Variants in ELMO1 observed in about 807,000 individuals in gnomAD.
ELMO1 encodes the protein engulfment and cell motility 1.
Under a neutral mutation model 98.9 loss-of-function variants are expected in ELMO1, and 26 were observed. The observed-to-expected ratio is 0.26, with a 90% CI of 0.19 to 0.36. The LOEUF (loss-of-function observed/expected upper bound fraction) is 0.36. Ranked by LOEUF, ELMO1 falls within the 10% of genes least tolerant of loss-of-function variation. The pLI, the probability that ELMO1 is intolerant of heterozygous loss-of-function variation, is 1.00. For missense variants in ELMO1, 627 were observed against 935.2 expected (o/e 0.67, Z 4.30); for synonymous variants, 346 against 346.0 (o/e 1.00, Z 0.00).
At chr7:36,878,400 TTA>T (rs1804144387) in intron 18 of ELMO1, among the ~76,000 whole-genome samples, 1 of 152,164 alleles carries the variant, frequency 6.6e-6, no homozygotes, top group African/African-American at 2.4e-5. Flanking sequence ...CTTCCAGAGG[TTA>T]TGTTATCACT....
chr7:37,387,458 T>C (rs187744721), intron 1 of ELMO1, among the ~76,000 whole-genome samples: 98 of 152,346 alleles, frequency 6.4e-4, no homozygotes, highest in Non-Finnish European at 1.2e-3. Context: ...GTCCCCTTTT[T>C]ATAAGGACCA....
At chr7:37,034,677 T>C (rs986911725) in intron 15 of ELMO1, among the ~76,000 whole-genome samples, 1 of 152,174 alleles carries the variant, frequency 6.6e-6, no homozygotes, top group African/African-American at 2.4e-5. Flanking sequence ...TATGACTCCC[T>C]GATCTAGAAG....
chr7:37,367,444 A>G (rs947721635), intron 1 of ELMO1, among the ~76,000 whole-genome samples: 1 of 152,216 alleles, frequency 6.6e-6, no homozygotes, highest in African/African-American at 2.4e-5. Flanking sequence ...TATGCTATCA[A>G]TGAATATCTG....
In ELMO1 at chr7:37,113,135, G is replaced by A. The variant is rs370182071; in HGVS notation, c.1192-16408C>T. The stretch of plus-strand genomic sequence containing the variant: ...CAGCTGCATCCAGAGAGGTTAGAGC[G>A]TGTTCCAGATAGAGATCTACTTCTG... On this transcript the variant is annotated intron_variant, in intron 14 of 21. Transcript: ENST00000310758. Among the ~76,000 whole-genome samples, 8 of 152,362 alleles carry A rather than the reference G, an allele frequency of 5.3e-5. No individual in the cohort carries two copies. In the South Asian group the frequency reaches 1.0e-3, roughly 20 times the overall value.
chr7:37,366,219 C>T (rs962911758), intron 1 of ELMO1, among the ~76,000 whole-genome samples: 6 of 151,910 alleles, frequency 3.9e-5, no homozygotes, highest in Admixed American at 6.6e-5. Context: ...CATATCCTTT[C>T]GGTGGTCTCA....
chr7:37,341,584 T>G (rs889396492), intron 2 of ELMO1, among the ~76,000 whole-genome samples: 6 of 152,196 alleles, frequency 3.9e-5, no homozygotes, highest in African/African-American at 1.4e-4. Context: ...TTCTTACATT[T>G]GAGTTTAAGT....
At chr7:37,062,786 A>G (rs944645882) in intron 15 of ELMO1, among the ~76,000 whole-genome samples, 2 of 152,186 alleles carry the variant, frequency 1.3e-5, no homozygotes, top group Non-Finnish European at 2.9e-5. Flanking sequence ...CCCCTAAGCA[A>G]GGGAAACCAC....
intron 7 of ELMO1, among the ~76,000 whole-genome samples, chr7:37,238,739 A>T (rs996565224): frequency 1.3e-5 from 2 of 152,114 alleles, no homozygotes; most frequent in Non-Finnish European, 2.9e-5. Flanking sequence ...CTTGCTGAGA[A>T]TTTTTATTAT....
chr7:37,122,976 G>A (rs140912099), intron 14 of ELMO1, among the ~76,000 whole-genome samples: 5,353 of 152,208 alleles, frequency 0.035, 94 homozygotes, highest in Middle Eastern at 0.088. Context: ...TCAGGATTAA[G>A]AAACCCACTC....
intron 13 of ELMO1, among the ~76,000 whole-genome samples, chr7:37,195,282 T>G (rs1484902689): frequency 1.3e-5 from 2 of 152,220 alleles, no homozygotes; most frequent in Non-Finnish European, 2.9e-5. Flanking sequence ...CCGATTCATC[T>G]TTGTGACTAG....
intron 15 of ELMO1, among the ~76,000 whole-genome samples, chr7:37,018,417 T>C (rs902309853): frequency 2.0e-5 from 3 of 151,838 alleles, no homozygotes; most frequent in African/African-American, 7.3e-5. Context: ...TGAAACACTG[T>C]GCCTGGCCTA....
intron 16 of ELMO1, among the ~76,000 whole-genome samples, chr7:37,004,476 C>T (rs1792906376): frequency 6.6e-6 from 1 of 152,208 alleles, no homozygotes; most frequent in Admixed American, 6.5e-5. Context: ...TATCTCACTG[C>T]TGTCCAGCAG....
chr7:37,042,776 G>GAATATTCACTAA (rs1312825860), intron 15 of ELMO1, among the ~76,000 whole-genome samples: 5 of 152,022 alleles, frequency 3.3e-5, no homozygotes, highest in Admixed American at 6.6e-5. Context: ...ACTCCTCATG[G>GAATATTCACTAA]CTGCTTTCTT....
At chr7:37,177,635 C>T (rs1208374868) in intron 13 of ELMO1, among the ~76,000 whole-genome samples, 1 of 151,960 alleles carries the variant, frequency 6.6e-6, no homozygotes, top group Non-Finnish European at 1.5e-5. Context: ...GAGGACACTA[C>T]TTAAAGATTT....
intron 15 of ELMO1, among the ~76,000 whole-genome samples, chr7:37,020,714 G>A (rs1288665998): frequency 6.6e-6 from 1 of 152,114 alleles, no homozygotes; most frequent in Non-Finnish European, 1.5e-5. Context: ...GGGAGCACTG[G>A]GCAAATATGA....
intron 13 of ELMO1, among the ~76,000 whole-genome samples, chr7:37,163,752 G>T (rs568077596): frequency 3.9e-5 from 6 of 152,176 alleles, no homozygotes; most frequent in South Asian, 4.1e-4. Flanking sequence ...GGACATTTGG[G>T]TTGGTTCCAA....
rs76277659 is a variant in ELMO1 at position 36,903,783 on chromosome 7, G to A, written c.1438-8766C>T. On this transcript the variant is annotated intron_variant, in intron 16 of 21. Coordinates refer to ENST00000310758, the MANE Select transcript of ELMO1 (RefSeq NM_014800.11). Reference sequence around the variant, plus strand: ...CCCTTCCCTCTGTGCTGCCCAATGTGACTTACAGATGCCAACCAAAGAGCT... The same window carrying A: ...CCCTTCCCTCTGTGCTGCCCAATGTAACTTACAGATGCCAACCAAAGAGCT... Among the ~76,000 whole-genome samples the A allele has an allele frequency of 2.6e-3, 399 of 152,362 alleles. 5 individuals carry two copies. Among genetic ancestry groups the A allele is most frequent in the African/African-American group, 9.0e-3 (374 of 41,584 alleles).
rs200238880 is a variant in ELMO1 at position 37,086,759 on chromosome 7, A to G, written c.1300+9860T>C. On this transcript the variant is annotated intron_variant, in intron 15 of 21. Coordinates refer to ENST00000310758, the MANE Select transcript of ELMO1 (RefSeq NM_014800.11). ...TCCTGTCTCCAAAAAAAAAAAAAAA[A>G]AAAAAAGAAATCTTTGAACTTTCTT... 2.3e-4 allele frequency among the ~76,000 whole-genome samples: 29 copies of G among 127,890 alleles called. 1 individual carries two copies. Among genetic ancestry groups the G allele is most frequent in the Non-Finnish European group, 3.4e-4 (20 of 58,208 alleles). The allele number at this position is 127,890 out of a possible 152,430, so 83.9% of individuals were successfully genotyped here.
intron 16 of ELMO1, among the ~76,000 whole-genome samples, chr7:36,903,960 C>A (rs1408406089): frequency 1.3e-5 from 2 of 152,240 alleles, no homozygotes; most frequent in African/African-American, 4.8e-5. Flanking sequence ...GCGGGTCCCT[C>A]AGACACCACC....
Sources: allele counts gnomAD v4.1 joint callset (sites outside exome capture counted in the v4.1 genomes callset), GRCh38; gene constraint gnomAD v4.1.1; transcripts MANE v1.5; gene names NCBI Gene and HGNC (gene_info 2026-07-23, HGNC 2026-07-21).